CNGA1: variants seen among roughly 807,000 people sequenced by gnomAD.
CNGA1 encodes cyclic nucleotide-gated channel alpha-1.
A neutral mutation model predicts 69.7 loss-of-function variants in CNGA1; 53 were observed. The observed-to-expected ratio is 0.76, with a 90% CI of 0.61 to 0.96. The LOEUF (loss-of-function observed/expected upper bound fraction) is 0.96. Among genes scored for constraint, CNGA1 ranks in the 40% least tolerant of loss-of-function variants. CNGA1 has a pLI of 0.00. For missense variants in CNGA1, 739 were observed against 811.2 expected (o/e 0.91, Z 1.08); for synonymous variants, 249 against 283.5 (o/e 0.88, Z 1.22).
At chr4:48,006,231 A>G (rs964732738) in intron 2 of CNGA1, among the ~76,000 whole-genome samples, 1 of 152,116 alleles carries the variant, frequency 6.6e-6, no homozygotes, top group Non-Finnish European at 1.5e-5. Context: ...GTTCAAGAGC[A>G]CCTGTTAGAG....
At chr4:47,971,917 C>CA (rs143896012) in intron 3 of CNGA1, among the ~76,000 whole-genome samples, 1,316 of 37,404 alleles carry the variant, frequency 0.035, 17 homozygotes, top group Middle Eastern at 0.14. Flanking sequence ...AACAAACAAA[C>CA]AACAACAACA....
At chr4:47,938,977 A>AAAAG (rs200332363) in intron 10 of CNGA1, among the ~76,000 whole-genome samples, 3 of 150,426 alleles carry the variant, frequency 2.0e-5, no homozygotes, top group Non-Finnish European at 4.4e-5. Context: ...AGAAAGAAAG[A>AAAAG]AAAGAAAGAA....
chr4:47,985,362 T>C (rs1023710905), intron 2 of CNGA1, among the ~76,000 whole-genome samples: 6 of 152,328 alleles, frequency 3.9e-5, no homozygotes, highest in Middle Eastern at 3.4e-3. Flanking sequence ...CTTGCAGTCC[T>C]ACCTACCTCA....
chr4:47,976,298 CAT>C (rs1741398164), intron 3 of CNGA1, among the ~76,000 whole-genome samples: 2 of 30,986 alleles, frequency 6.5e-5, no homozygotes, highest in African/African-American at 2.1e-4. Context: ...TATATATACA[CAT>C]ACATATATAT....
At chr4:48,000,000 C>T (rs1221662296) in intron 2 of CNGA1, among the ~76,000 whole-genome samples, 1 of 151,876 alleles carries the variant, frequency 6.6e-6, no homozygotes, top group Admixed American at 6.6e-5. Context: ...GAAAAAATAA[C>T]AGAACTTCTA....
At position 47,936,080 on chromosome 4, in the gene CNGA1, C is replaced by T. The variant is rs1288775741; in HGVS notation, c.*341G>A. The T allele has an allele frequency of 1.6e-5, 5 of 321,476 alleles. No individual in the cohort carries two copies. The highest frequency in any genetic ancestry group is 3.9e-5 in the South Asian group (1 of 25,666). The allele number at this position is 321,476 out of a possible 1,614,324, so 19.9% of individuals were successfully genotyped here. Reference sequence around the variant, plus strand: ...GTTACTTCAAATACGCTTCACTCAACAATGGAAATGGCATGAAAGTGAGGG... The same window carrying T: ...GTTACTTCAAATACGCTTCACTCAATAATGGAAATGGCATGAAAGTGAGGG... On this transcript the variant is annotated 3_prime_UTR_variant, in exon 11 of 11. Transcript: ENST00000514170.
chr4:48,010,032 T>C (rs1436052710), intron 2 of CNGA1, among the ~76,000 whole-genome samples: 2 of 152,154 alleles, frequency 1.3e-5, no homozygotes, highest in Non-Finnish European at 2.9e-5. Flanking sequence ...TCTTAGACTT[T>C]CAGATATTTG....
At chr4:48,004,862 G>C (rs1466820334) in intron 2 of CNGA1, among the ~76,000 whole-genome samples, 1 of 146,760 alleles carries the variant, frequency 6.8e-6, no homozygotes, top group East Asian at 2.0e-4. Flanking sequence ...TCCAAATTAG[G>C]ATAAATGGGG....
At chr4:47,956,155 T>C (rs770687351) in intron 3 of CNGA1, among the ~76,000 whole-genome samples, 2 of 152,160 alleles carry the variant, frequency 1.3e-5, no homozygotes, top group Non-Finnish European at 2.9e-5. Context: ...TTAAATGCAT[T>C]TGTATGAGAT....
intron 6 of CNGA1, among the ~76,000 whole-genome samples, chr4:47,945,558 G>A (rs55704169): frequency 0.013 from 1,944 of 152,256 alleles, 32 homozygotes; most frequent in African/African-American, 0.044. Flanking sequence ...GCATATGATG[G>A]ACTGGTAATA....
chr4:47,943,513 C>G lies in CNGA1; in HGVS notation c.288-101G>C, dbSNP rs938829476. The G allele has an allele frequency of 4.0e-6, 3 of 758,842 alleles. No individual in the cohort carries two copies. In the African/African-American group the frequency reaches 5.4e-5, roughly 14 times the overall value. The allele number at this position is 758,842 out of a possible 1,614,324, so 47.0% of individuals were successfully genotyped here. Reference sequence around the variant, plus strand: ...AAATCTCAGCTTTGCATTCAAAGACCTGCTCCAGTGCTCAAAACCCATCTG... The same window carrying G: ...AAATCTCAGCTTTGCATTCAAAGACGTGCTCCAGTGCTCAAAACCCATCTG... On this transcript the variant is annotated intron_variant, in intron 6 of 10. Transcript: ENST00000514170.
chr4:47,937,550 G>A lies in CNGA1; in HGVS notation c.932C>T (p.Ala311Val). 6.2e-7 allele frequency: 1 copy of A among 1,614,148 alleles called. No homozygotes were observed. Among genetic ancestry groups the A allele is most frequent in the Non-Finnish European group, 8.5e-7 (1 of 1,180,020 alleles). The change falls in exon 11 of 11, where the codon GCA becomes GTA. Residue 311 changes from alanine (A) to valine (V), a missense_variant. Physicochemically the swap from Ala to Val is moderately conservative, Grantham distance 64. Coordinates refer to ENST00000514170, the MANE Select transcript of CNGA1 (RefSeq NM_001379270.1). ...TTTAGAAATAGAGTAGAACACACAT[G>A]CATTCCAGTGGATAATGATGACGAT... ...MYIVIIIHWN[A>V]CVFYSISKAI...
intron 2 of CNGA1, among the ~76,000 whole-genome samples, chr4:47,996,563 C>A (rs753874783): frequency 7.2e-5 from 11 of 151,960 alleles, no homozygotes; most frequent in Non-Finnish European, 1.5e-4. Flanking sequence ...CAAATTGAGT[C>A]CTTAATTACA....
At chr4:47,959,481 T>C (rs1740291477) in intron 3 of CNGA1, among the ~76,000 whole-genome samples, 1 of 152,118 alleles carries the variant, frequency 6.6e-6, no homozygotes, top group Non-Finnish European at 1.5e-5. Context: ...ATTAATTCAA[T>C]ATGGATCACA....
At chr4:47,977,095 G>A (rs1741454699) in intron 3 of CNGA1, among the ~76,000 whole-genome samples, 1 of 152,196 alleles carries the variant, frequency 6.6e-6, no homozygotes, top group Non-Finnish European at 1.5e-5. Context: ...ATTTCTAATG[G>A]CTGGTGTTAC....
At chr4:47,984,647 A>AAAAAAAATATAT (rs141458781) in intron 2 of CNGA1, among the ~76,000 whole-genome samples, 9 of 64,444 alleles carry the variant, frequency 1.4e-4, no homozygotes, top group Non-Finnish European at 3.4e-4. Flanking sequence ...AAATAAAAAA[A>AAAAAAAATATAT]ATATATATAT....
At chr4:47,958,925 G>A (rs1487947531) in intron 3 of CNGA1, 1 of 152,126 alleles carries the variant, frequency 6.6e-6, no homozygotes, top group African/African-American at 2.4e-5. Flanking sequence ...TTTAAGTAAT[G>A]CAGAAACATA....
intron 8 of CNGA1, 36 bp downstream of exon 8, chr4:47,943,145 A>C: frequency 5.7e-6 from 8 of 1,399,554 alleles, no homozygotes; most frequent in African/African-American, 1.4e-5. Context: ...ACCCATCACA[A>C]TTTCCTTCTA....
At chr4:47,941,263 T>C (rs1739057819) in intron 9 of CNGA1, among the ~76,000 whole-genome samples, 1 of 152,188 alleles carries the variant, frequency 6.6e-6, no homozygotes. Flanking sequence ...ACTATATGCA[T>C]TATATACAAG....
Sources: allele counts gnomAD v4.1 joint callset (sites outside exome capture counted in the v4.1 genomes callset), GRCh38; gene constraint gnomAD v4.1.1; transcripts MANE v1.5; gene names NCBI Gene and HGNC (gene_info 2026-07-23, HGNC 2026-07-21).